BRAF: variants seen among roughly 807,000 people sequenced by gnomAD.
BRAF encodes B-Raf proto-oncogene, serine/threonine kinase.
BRAF carries 16 observed loss-of-function variants against 104.6 expected under a neutral mutation model. The observed-to-expected ratio is 0.15, with a 90% CI of 0.10 to 0.23. The LOEUF (loss-of-function observed/expected upper bound fraction) is 0.23. Among genes scored for constraint, BRAF ranks in the 10% least tolerant of loss-of-function variants. The probability of loss-of-function intolerance (pLI) is 1.00; values close to 1 mark genes in which losing one functional copy is unlikely to be tolerated. For synonymous variants in BRAF, 310 were observed against 341.6 expected (o/e 0.91, Z 1.02); for missense variants, 541 against 937.3 (o/e 0.58, Z 5.52).
intron 14 of BRAF, 78 bp from the exon 14 acceptor site, chr7:140,754,311 G>T: frequency 2.4e-6 from 3 of 1,244,832 alleles, no homozygotes; most frequent in South Asian, 1.2e-5. Flanking sequence ...ATACTTGGGG[G>T]TGTAAAGACT....
intron 1 of BRAF, among the ~76,000 whole-genome samples, chr7:140,921,529 A>C (rs1563040068): frequency 1.3e-5 from 2 of 152,104 alleles, no homozygotes; most frequent in African/African-American, 4.8e-5. Context: ...CAAAAAAATG[A>C]TTAGTTAAAT....
intron 14 of BRAF, among the ~76,000 whole-genome samples, chr7:140,765,414 A>C (rs1315410598): frequency 6.6e-6 from 1 of 152,192 alleles, no homozygotes; most frequent in Non-Finnish European, 1.5e-5. Context: ...CTAAAACACC[A>C]AAAGCAATGG....
At chr7:140,889,856 G>A (rs1814018799) in intron 1 of BRAF, among the ~76,000 whole-genome samples, 1 of 152,190 alleles carries the variant, frequency 6.6e-6, no homozygotes, top group Non-Finnish European at 1.5e-5. Context: ...AATAGGAAGC[G>A]AGGGGGTTGG....
chr7:140,721,118 TTGGC>T lies in BRAF; in HGVS notation c.*5372_*5375del. 9.4e-7 allele frequency: 1 copy of T among 1,064,614 alleles called. No individual in the cohort carries two copies. Among genetic ancestry groups the T allele is most frequent in the Non-Finnish European group, 1.1e-6 (1 of 878,754 alleles). The allele number at this position is 1,064,614 out of a possible 1,614,324, so 65.9% of individuals were successfully genotyped here. A position where few individuals can be genotyped will look rare whatever the true frequency, so the allele number is the denominator to read the frequency against. On this transcript the variant is annotated 3_prime_UTR_variant, in exon 20 of 20. Transcript: ENST00000644969. ...TAAAAAATGGATACACTGGCTTACA[TTGGC>T]TGTGTCCTCATACACACTCGTCAAG...
intron 17 of BRAF, among the ~76,000 whole-genome samples, chr7:140,748,361 T>G (rs2128993345): frequency 6.6e-6 from 1 of 152,270 alleles, no homozygotes; most frequent in Middle Eastern, 3.4e-3. Context: ...TTGGTGATTC[T>G]CAACTTTGGT....
chr7:140,785,563 A>G (rs1801270970), intron 10 of BRAF: 1 of 394,962 alleles, frequency 2.5e-6, no homozygotes, highest in East Asian at 3.6e-5. Flanking sequence ...GCCAGGCCAA[A>G]CAGAAATTTA....
At chr7:140,832,921 T>C (rs935474588) in intron 3 of BRAF, among the ~76,000 whole-genome samples, 19 of 151,212 alleles carry the variant, frequency 1.3e-4, no homozygotes, top group African/African-American at 4.4e-4. Flanking sequence ...TTGCCCAGGC[T>C]GGAGTGCAGT....
chr7:140,781,543 A>T (rs746460005), intron 12 of BRAF, 33 bp downstream of exon 11: 1 of 1,560,636 alleles, frequency 6.4e-7, no homozygotes, highest in Non-Finnish European at 8.8e-7. Context: ...TCCTATTATG[A>T]CTTGTCACAA....
intron 14 of BRAF, among the ~76,000 whole-genome samples, chr7:140,767,427 T>C (rs754282296): frequency 2.6e-5 from 4 of 152,098 alleles, no homozygotes; most frequent in African/African-American, 2.4e-5. Context: ...AGTGTACAAA[T>C]GGAGGGATTG....
chr7:140,814,774 C>CATATATATTATATATAACATAT (rs1804663751), intron 3 of BRAF, among the ~76,000 whole-genome samples: 6 of 135,138 alleles, frequency 4.4e-5, no homozygotes, highest in African/African-American at 1.5e-4. Flanking sequence ...TTATATATAA[C>CATATATATTATATATAACATAT]ATATATATTA....
intron 3 of BRAF, among the ~76,000 whole-genome samples, chr7:140,819,136 T>C (rs1805200820): frequency 2.0e-5 from 3 of 152,336 alleles, no homozygotes; most frequent in East Asian, 3.9e-4. Flanking sequence ...CGATTTCTAT[T>C]ATTAGAGCAT....
At chr7:140,801,095 T>C (rs1803056833) in intron 6 of BRAF, 1 of 258,816 alleles carries the variant, frequency 3.9e-6, no homozygotes, top group South Asian at 6.2e-5. Flanking sequence ...TACAAAATCA[T>C]AATGCTTAAT....
intron 1 of BRAF, among the ~76,000 whole-genome samples, chr7:140,896,334 A>G (rs960586967): frequency 2.0e-5 from 3 of 152,120 alleles, no homozygotes; most frequent in Admixed American, 2.0e-4. Context: ...TTTTCTAAAC[A>G]TCTCATTCAC....
At chr7:140,800,198 T>C (rs1054529996) in intron 7 of BRAF, 164 bp downstream of exon 7, 18 of 1,117,152 alleles carry the variant, frequency 1.6e-5, no homozygotes, top group Non-Finnish European at 2.3e-5. Flanking sequence ...ATCCCATTTA[T>C]TTGTATCAAA....
intron 2 of BRAF, among the ~76,000 whole-genome samples, chr7:140,848,861 A>C (rs1017615129): frequency 2.6e-5 from 4 of 152,260 alleles, no homozygotes; most frequent in African/African-American, 9.6e-5. Context: ...GAGGAGAAAG[A>C]AAACAGCATA....
intron 3 of BRAF, among the ~76,000 whole-genome samples, chr7:140,811,585 T>C (rs966518998): frequency 3.9e-5 from 6 of 152,204 alleles, no homozygotes; most frequent in Admixed American, 6.5e-5. Flanking sequence ...TTATACCTAA[T>C]AGATGTTGAG....
chr7:140,808,007 A>G lies in BRAF; in HGVS notation c.664T>C (p.Leu222=), dbSNP rs1332821149. 2 of 1,613,550 alleles carry G rather than the reference A, an allele frequency of 1.2e-6. No individual in the cohort carries two copies. The highest frequency in any genetic ancestry group is 1.7e-5 in the Admixed American group (1 of 60,010). ...ACATTCTCCAACACTTCCACATGCA[A>G]TTCTTCTCCAGTAAGCCAGGAAATA... The part of the protein sequence containing the change: ...TDISWLTGEE[L]HVEVLENVPL... Residue 222 remains leucine (L), a synonymous_variant, in exon 5 of 20, where the codon TTG becomes CTG. Transcript: ENST00000644969.
At chr7:140,743,908 G>C (rs973558319) in intron 17 of BRAF, among the ~76,000 whole-genome samples, 5 of 152,216 alleles carry the variant, frequency 3.3e-5, no homozygotes, top group Admixed American at 6.5e-5. Flanking sequence ...TGAAATGTCA[G>C]CTGAGCTTTT....
intron 1 of BRAF, among the ~76,000 whole-genome samples, chr7:140,880,271 C>A (rs1812753234): frequency 3.3e-5 from 5 of 152,282 alleles, no homozygotes; most frequent in Admixed American, 1.3e-4. Flanking sequence ...CAGGAGTAAA[C>A]CCCATCTCAA....
Sources: allele counts gnomAD v4.1 joint callset (sites outside exome capture counted in the v4.1 genomes callset), GRCh38; gene constraint gnomAD v4.1.1; transcripts MANE v1.5; gene names NCBI Gene and HGNC (gene_info 2026-07-23, HGNC 2026-07-21).